Variants in TIAM1 observed in about 807,000 individuals in gnomAD.
TIAM1 encodes rho guanine nucleotide exchange factor TIAM1.
In TIAM1, 65 loss-of-function variants were observed where a neutral mutation model predicts 163.5. The ratio of observed to expected loss-of-function variants is 0.40; its 90% CI spans 0.33 to 0.49. The LOEUF (loss-of-function observed/expected upper bound fraction) is 0.49. Among genes scored for constraint, TIAM1 ranks in the 20% least tolerant of loss-of-function variants. TIAM1 has a pLI of 0.77. For synonymous variants in TIAM1, 833 were observed against 810.1 expected, an observed-to-expected ratio of 1.03 and a Z score of -0.48; for missense variants, 1,789 against 2,044.7, an observed-to-expected ratio of 0.87 and a Z score of 2.41.
intron 2 of TIAM1, among the ~76,000 whole-genome samples, chr21:31,278,687 T>C (rs2073411863): frequency 6.6e-6 from 1 of 152,202 alleles, no homozygotes; most frequent in African/African-American, 2.4e-5. Context: ...AAATATGCTA[T>C]TTAACCATGA....
chr21:31,152,818 A>G (rs943506160), intron 18 of TIAM1, 57 bp from the exon 19 acceptor site: 3 of 1,577,586 alleles, frequency 1.9e-6, no homozygotes, highest in African/African-American at 2.7e-5. Context: ...CCTAAACGTT[A>G]TTTATATCTG....
intron 16 of TIAM1, 96 bp downstream of exon 16, chr21:31,164,866 G>C: frequency 1.6e-6 from 2 of 1,237,156 alleles, no homozygotes; most frequent in Non-Finnish European, 2.3e-6. Flanking sequence ...CGTCCATGGA[G>C]AGGCCTGGTA....
intron 12 of TIAM1, among the ~76,000 whole-genome samples, chr21:31,197,661 G>A (rs924922775): frequency 2.0e-5 from 3 of 151,822 alleles, no homozygotes; most frequent in Admixed American, 1.3e-4. Context: ...GAGCCACCGC[G>A]CCCAGCCGGA....
chr21:31,210,803 AAAGAAAGAAAG>A lies in TIAM1; in HGVS notation c.2218-599_2218-589del, dbSNP rs1409979315. On this transcript the variant is annotated intron_variant, in intron 10 of 27. Transcript: ENST00000541036. ...GAAAGAAAGAAAGAAAGAAAGAAAGAAAGAAAGAAAGGTCACCATTCAGCTCAGCTTTATGG... is the reference window on the plus strand; with the variant it reads ...GAAAGAAAGAAAGAAAGAAAGAAAGAGTCACCATTCAGCTCAGCTTTATGG... Among the ~76,000 whole-genome samples the A allele has an allele frequency of 2.7e-4, 39 of 144,062 alleles. 1 individual carries two copies. The highest frequency in any genetic ancestry group is 1.1e-3 in the African/African-American group (39 of 36,382). The allele number at this position is 144,062 out of a possible 152,430, so 94.5% of individuals were successfully genotyped here. A position where few individuals can be genotyped will look rare whatever the true frequency, so the allele number is the denominator to read the frequency against.
At chr21:31,455,438 G>C (rs1229473378) in intron 2 of TIAM1, among the ~76,000 whole-genome samples, 1 of 150,294 alleles carries the variant, frequency 6.7e-6, no homozygotes, top group Admixed American at 6.6e-5. Flanking sequence ...TTGAGACGGA[G>C]TCTCACTCTT....
intron 13 of TIAM1, among the ~76,000 whole-genome samples, chr21:31,191,402 C>T (rs964055980): frequency 6.6e-6 from 1 of 152,168 alleles, no homozygotes; most frequent in African/African-American, 2.4e-5. Flanking sequence ...GATCTGCCCA[C>T]CTCGGCCTCC....
At position 31,395,209 on chromosome 21, in the gene TIAM1, G is replaced by A. The variant is rs1000943264; in HGVS notation, c.-368-55787C>T. On this transcript the variant is annotated intron_variant, in intron 2 of 28. Transcript: ENST00000286827. This position sits in a 1 kb window ranked among gnomAD's most constrained non-coding sequence, Gnocchi z 7.5. ...GCTGAGATCGCGCCACCACACTCCAGCCTGGGCAACAGAGTGAGACTCTGT... is the reference window on the plus strand; with the variant it reads ...GCTGAGATCGCGCCACCACACTCCAACCTGGGCAACAGAGTGAGACTCTGT... Among the ~76,000 whole-genome samples the A allele has an allele frequency of 2.0e-5, 3 of 151,094 alleles. No homozygotes were observed. Among genetic ancestry groups the A allele is most frequent in the African/African-American group, 4.9e-5 (2 of 41,152 alleles).
rs996459282 is a variant in TIAM1, at chr21:31,463,930, G to C, written c.-369+53C>G. The C allele has an allele frequency of 3.3e-5, 5 of 152,208 alleles. No individual in the cohort carries two copies. The South Asian group carries it at 1.0e-3, about 32-fold the overall frequency. 9.4% of individuals were successfully genotyped at this position (152,208 alleles called of 1,614,324 possible). A position where few individuals can be genotyped will look rare whatever the true frequency, so the allele number is the denominator to read the frequency against. Reference sequence around the variant, plus strand: ...TATTCACATACCCTTGATGCCCCTAGAAAGTCCTTCAAAGCACATGACAGG... The same window carrying C: ...TATTCACATACCCTTGATGCCCCTACAAAGTCCTTCAAAGCACATGACAGG... On this transcript the variant is annotated intron_variant, in intron 2 of 28. Coordinates refer to the TIAM1 transcript ENST00000286827.
chr21:31,486,157 G>A (rs1228195872), intron 1 of TIAM1, among the ~76,000 whole-genome samples: 1 of 152,190 alleles, frequency 6.6e-6, no homozygotes, highest in Non-Finnish European at 1.5e-5. Flanking sequence ...GGGGAGGGAG[G>A]TGCCATAAGG....
intron 2 of TIAM1, among the ~76,000 whole-genome samples, chr21:31,302,233 A>AATTAAAC (rs2074534838): frequency 6.6e-6 from 1 of 152,172 alleles, no homozygotes; most frequent in Non-Finnish European, 1.5e-5. Context: ...TCTTATATAA[A>AATTAAAC]ATTAAACCTT....
intron 2 of TIAM1, among the ~76,000 whole-genome samples, chr21:31,411,647 T>G (rs557252468): frequency 6.6e-6 from 1 of 152,210 alleles, no homozygotes; most frequent in South Asian, 2.1e-4. Flanking sequence ...AGCTAATTTT[T>G]GTATTTTTAA....
intron 10 of TIAM1, 74 bp from the exon 11 acceptor site, chr21:31,210,289 A>C: frequency 2.0e-6 from 3 of 1,504,398 alleles, no homozygotes; most frequent in Non-Finnish European, 1.8e-6. Context: ...GACTGCACAC[A>C]GGAATCACCG....
rs146479272 is a variant in TIAM1, at chr21:31,131,860, C to T, written c.3884-912G>A. Among the ~76,000 whole-genome samples, 110 of 152,248 alleles carry T rather than the reference C, an allele frequency of 7.2e-4. No homozygotes were observed. In the East Asian group the frequency reaches 0.02, roughly 28 times the overall value. On this transcript the variant is annotated intron_variant, in intron 23 of 27. Coordinates refer to ENST00000541036, the MANE Select transcript of TIAM1 (RefSeq NM_001353694.2). ...ATGGGATGAGTGTCCTTATAAGAGA[C>T]TTGAGAGAGATGCCTTGACCCTTTC...
At position 31,130,966 on chromosome 21, in the gene TIAM1, AAGAC is replaced by A. The variant is rs776597921; in HGVS notation, c.3884-22_3884-19del. ...TTTGAAGACTGGAAAAAATAAAATA[AAGAC>A]AGTTATGGTATGTCATGTGTAGGGT... On this transcript the variant is annotated intron_variant, in intron 23 of 27. Transcript: ENST00000541036. 1.6e-5 allele frequency: 26 copies of A among 1,610,642 alleles called. No homozygotes were observed. The African/African-American group carries it at 3.5e-4, about 21-fold the overall frequency.
chr21:31,222,613 G>A (rs1343754506), intron 8 of TIAM1, among the ~76,000 whole-genome samples: 4 of 141,098 alleles, frequency 2.8e-5, no homozygotes, highest in African/African-American at 1.0e-4. Flanking sequence ...AAAGAGATCT[G>A]TGTTCCATAT....
rs967222676 is a variant in TIAM1 at position 31,217,494 on chromosome 21, T to C, written c.2142+59A>G. The C allele has an allele frequency of 3.4e-5, 54 of 1,572,894 alleles. No individual in the cohort carries two copies. In the East Asian group the frequency reaches 1.1e-3, roughly 31 times the overall value. On this transcript the variant is annotated intron_variant, in intron 9 of 27. Coordinates refer to ENST00000541036, the MANE Select transcript of TIAM1 (RefSeq NM_001353694.2). ...ACTGAAGAAACACACACACCCCAAA[T>C]TGAGGTGGCCACAGAAGTGATTTGT...
At chr21:31,273,559 C>A (rs978508055) in intron 3 of TIAM1, among the ~76,000 whole-genome samples, 2 of 152,178 alleles carry the variant, frequency 1.3e-5, no homozygotes, top group African/African-American at 4.8e-5. Context: ...AGCCTCCACC[C>A]ACGGAGGTGA....
chr21:31,380,635 G>T (rs575351661), intron 2 of TIAM1, among the ~76,000 whole-genome samples: 111 of 152,146 alleles, frequency 7.3e-4, no homozygotes, highest in African/African-American at 2.6e-3. Flanking sequence ...TTCGAAAGGG[G>T]TATGAATTAT....
At chr21:31,154,168 T>C (rs2083504520) in intron 17 of TIAM1, 79 bp downstream of exon 17, 2 of 1,457,464 alleles carry the variant, frequency 1.4e-6, no homozygotes, top group Admixed American at 4.2e-5. Context: ...AAATCAGCTG[T>C]TAATGAAAAC....
Sources: gnomAD v4.1 joint callset for allele counts (sites outside exome capture counted in the v4.1 genomes callset) on GRCh38, gnomAD v4.1.1 for gene constraint, Gnocchi (gnomAD v3.1) non-coding constraint, MANE v1.5 for transcripts, NCBI Gene and HGNC (gene_info 2026-07-23, HGNC 2026-07-21) for gene names.